Variants in CAPZA1 observed in about 807,000 individuals in gnomAD.
CAPZA1 encodes the protein F-actin-capping protein subunit alpha-1.
In CAPZA1, 10 loss-of-function variants were observed where a neutral mutation model predicts 40.8. That is an observed-to-expected ratio of 0.25 (90% CI 0.15 to 0.42). The LOEUF (loss-of-function observed/expected upper bound fraction) is 0.42. Among genes scored for constraint, CAPZA1 ranks in the 10% least tolerant of loss-of-function variants. CAPZA1 has a pLI of 1.00. For missense variants in CAPZA1, 277 were observed against 353.8 expected (o/e 0.78, Z 1.74); for synonymous variants, 98 against 115.0 (o/e 0.85, Z 0.95).
intron 2 of CAPZA1, among the ~76,000 whole-genome samples, chr1:112,648,351 T>C (rs1232776606): frequency 2.2e-5 from 3 of 136,038 alleles, no homozygotes; most frequent in East Asian, 2.0e-4. Context: ...ATTTTTCTTT[T>C]TTTTTTTTTT....
At chr1:112,637,005 T>C (rs1671033003) in intron 1 of CAPZA1, among the ~76,000 whole-genome samples, 1 of 152,244 alleles carries the variant, frequency 6.6e-6, no homozygotes, top group Non-Finnish European at 1.5e-5. Flanking sequence ...ACTCAATTCT[T>C]GGTTAAAACA....
intron 5 of CAPZA1, among the ~76,000 whole-genome samples, chr1:112,655,782 C>CCA (rs1453285418): frequency 6.6e-6 from 1 of 151,970 alleles, no homozygotes; most frequent in African/African-American, 2.4e-5. Flanking sequence ...AGGCTGGTCT[C>CCA]GAACTCCTAA....
chr1:112,640,569 C>G (rs1671132561), intron 1 of CAPZA1, among the ~76,000 whole-genome samples: 1 of 148,824 alleles, frequency 6.7e-6, no homozygotes. Context: ...GCCCCCTGCC[C>G]GGCCAGCCGC....
intron 1 of CAPZA1, among the ~76,000 whole-genome samples, chr1:112,637,890 C>T (rs1363411385): frequency 1.3e-5 from 2 of 152,154 alleles, no homozygotes; most frequent in Non-Finnish European, 2.9e-5. Context: ...TATTGGAACA[C>T]AACCATGCTT....
At chr1:112,630,550 G>A (rs763636710) in intron 1 of CAPZA1, among the ~76,000 whole-genome samples, 20 of 151,904 alleles carry the variant, frequency 1.3e-4, no homozygotes, top group Non-Finnish European at 2.6e-4. Context: ...TCACCATCTT[G>A]GCCAGACTGA....
At chr1:112,628,996 G>C (rs1670868764) in intron 1 of CAPZA1, among the ~76,000 whole-genome samples, 1 of 152,166 alleles carries the variant, frequency 6.6e-6, no homozygotes, top group Non-Finnish European at 1.5e-5. Context: ...TGCTTCTGCT[G>C]TTGCTCCTGC....
chr1:112,665,638 C>G lies in CAPZA1; in HGVS notation c.586-1436C>G, dbSNP rs554860758. 8.5e-5 allele frequency among the ~76,000 whole-genome samples: 13 copies of G among 152,140 alleles called. No individual in the cohort carries two copies. In the South Asian group the frequency reaches 2.5e-3, roughly 29 times the overall value. Reference sequence around the variant, plus strand: ...GAGTTCTGTTTCTCATAGGTGACACCTTCTGCATTCTCACGTGACAGAAGG... The same window carrying G: ...GAGTTCTGTTTCTCATAGGTGACACGTTCTGCATTCTCACGTGACAGAAGG... On this transcript the variant is annotated intron_variant, in intron 7 of 9. Coordinates refer to ENST00000263168, the MANE Select transcript of CAPZA1 (RefSeq NM_006135.3).
chr1:112,652,688 A>G (rs1671417716), intron 3 of CAPZA1, among the ~76,000 whole-genome samples: 1 of 151,754 alleles, frequency 6.6e-6, no homozygotes, highest in South Asian at 2.1e-4. Flanking sequence ...CCTGTCTGAC[A>G]TGGGGAAAAA....
Position 112,619,903 on chromosome 1 carries a change from C to T in CAPZA1, c.39+20C>T. The T allele has an allele frequency of 6.3e-7, 1 of 1,593,456 alleles. No individual in the cohort carries two copies. Reference sequence around the variant, plus strand: ...GAGAAGGTAAGGGGTCCGCCTCTCTCTCTTACCTCCTCCCCCGACAGGGAA... The same window carrying T: ...GAGAAGGTAAGGGGTCCGCCTCTCTTTCTTACCTCCTCCCCCGACAGGGAA... On this transcript the variant is annotated intron_variant, in intron 1 of 9. Coordinates refer to ENST00000263168, the MANE Select transcript of CAPZA1 (RefSeq NM_006135.3).
chr1:112,632,294 C>T (rs1173700893), intron 1 of CAPZA1, among the ~76,000 whole-genome samples: 4 of 152,034 alleles, frequency 2.6e-5, no homozygotes, highest in Non-Finnish European at 5.9e-5. Context: ...GGTGACATCT[C>T]AAAACAAACC....
chr1:112,668,012 G>A (rs1372826421), intron 8 of CAPZA1, among the ~76,000 whole-genome samples: 2 of 152,068 alleles, frequency 1.3e-5, no homozygotes, highest in Non-Finnish European at 2.9e-5. Context: ...TGGGCCGGGA[G>A]TGGTGGCTCA....
At chr1:112,632,406 G>GA (rs1438063821) in intron 1 of CAPZA1, among the ~76,000 whole-genome samples, 1 of 152,168 alleles carries the variant, frequency 6.6e-6, no homozygotes, top group Non-Finnish European at 1.5e-5. Flanking sequence ...GAGTTGGGGA[G>GA]AAAATTATTA....
chr1:112,662,946 AT>A (rs1488001602), intron 7 of CAPZA1, among the ~76,000 whole-genome samples: 1 of 151,658 alleles, frequency 6.6e-6, no homozygotes, highest in African/African-American at 2.4e-5. Flanking sequence ...GTTTGTAATA[AT>A]TCCCCCCTGC....
At chr1:112,638,929 T>C (rs1365059731) in intron 1 of CAPZA1, among the ~76,000 whole-genome samples, 2 of 149,408 alleles carry the variant, frequency 1.3e-5, no homozygotes, top group African/African-American at 2.4e-5. Flanking sequence ...GATATAGATA[T>C]AGATATAGGT....
chr1:112,639,105 A>G (rs1671085540), intron 1 of CAPZA1, among the ~76,000 whole-genome samples: 1 of 151,770 alleles, frequency 6.6e-6, no homozygotes. Context: ...GAAACTATCA[A>G]ATATCTAATA....
chr1:112,643,914 G>A (rs983153255), intron 1 of CAPZA1, among the ~76,000 whole-genome samples: 3 of 151,412 alleles, frequency 2.0e-5, no homozygotes, highest in East Asian at 1.9e-4. Context: ...GCGGGATCTC[G>A]GCTCACTGCA....
intron 1 of CAPZA1, among the ~76,000 whole-genome samples, chr1:112,634,044 T>A (rs1038909946): frequency 6.6e-6 from 1 of 152,180 alleles, no homozygotes; most frequent in Non-Finnish European, 1.5e-5. Flanking sequence ...TTGTCTCCTC[T>A]TACTGTTAAT....
chr1:112,632,765 A>G (rs1354581463), intron 1 of CAPZA1, among the ~76,000 whole-genome samples: 1 of 152,234 alleles, frequency 6.6e-6, no homozygotes, highest in Non-Finnish European at 1.5e-5. Flanking sequence ...ACTTAAAACT[A>G]ACTTGCCTGA....
chr1:112,639,377 A>G (rs371237242), intron 1 of CAPZA1, among the ~76,000 whole-genome samples: 2 of 152,140 alleles, frequency 1.3e-5, no homozygotes, highest in South Asian at 4.1e-4. Context: ...TTTTTTCAGC[A>G]CTTGAACCCG....
Sources: gnomAD v4.1 joint callset for allele counts (sites outside exome capture counted in the v4.1 genomes callset) on GRCh38, gnomAD v4.1.1 for gene constraint, MANE v1.5 for transcripts, NCBI Gene and HGNC (gene_info 2026-07-23, HGNC 2026-07-21) for gene names.